LYZL4: variants seen among roughly 807,000 people sequenced by gnomAD.
LYZL4 encodes the protein lysozyme-like protein 4.
In LYZL4, 13 loss-of-function variants were observed where a neutral mutation model predicts 17.6. The observed-to-expected ratio is 0.74, with a 90% CI of 0.48 to 1.18. The LOEUF (loss-of-function observed/expected upper bound fraction) is 1.18. Ranked by LOEUF, LYZL4 falls within the 50% of genes most tolerant of loss-of-function variation. The pLI, the probability that LYZL4 is intolerant of heterozygous loss-of-function variation, is 0.00. For synonymous variants in LYZL4, 64 were observed against 67.7 expected, an observed-to-expected ratio of 0.95 and a Z score of 0.27; for missense variants, 174 against 188.2, an observed-to-expected ratio of 0.92 and a Z score of 0.44.
At chr3:42,367,603 TG>T in the LYZL4 span, among the ~76,000 whole-genome samples, 2 of 151,764 alleles carry the variant, frequency 1.3e-5, no homozygotes, top group Non-Finnish European at 2.9e-5. Flanking sequence ...TGGCAAAGGC[TG>T]GGATGCCTGT....
chr3:42,407,353 T>G lies in LYZL4; in HGVS notation c.-92-10A>C. On this transcript the variant is annotated splice_polypyrimidine_tract_variant and intron_variant, in intron 1 of 4. Transcript: ENST00000287748. ...AAGGGAAAGAAGGGCACTGTGGGGG[T>G]GGGGGTGGAGCACAGTTCAGTGTCA... The G allele has an allele frequency of 6.8e-7, 1 of 1,476,380 alleles. No homozygotes were observed. 91.5% of individuals were successfully genotyped at this position (1,476,380 alleles called of 1,614,324 possible).
At position 42,406,824 on chromosome 3, in the gene LYZL4, C is replaced by G. The variant is rs142019338; in HGVS notation, c.292+22G>C. 2.9e-5 allele frequency: 46 copies of G among 1,612,730 alleles called. No individual in the cohort carries two copies. In the Admixed American group the frequency reaches 7.3e-4, roughly 26 times the overall value. On this transcript the variant is annotated intron_variant, in intron 3 of 4. Coordinates refer to ENST00000287748, the MANE Select transcript of LYZL4 (RefSeq NM_144634.4). ...CACCATAGCCTCCAGTGCCCCCGCA[C>G]GGAATGGAAAGAGGGACTTACCGGA...
the LYZL4 span, among the ~76,000 whole-genome samples, chr3:42,366,749 C>G: frequency 1.3e-5 from 2 of 152,208 alleles, no homozygotes; most frequent in Non-Finnish European, 2.9e-5. Flanking sequence ...GACGAACATG[C>G]CGAGTACCTA....
At chr3:42,394,510 G>A (rs1321199993), downstream of LYZL4, among the ~76,000 whole-genome samples, 2 of 152,140 alleles carry the variant, frequency 1.3e-5, no homozygotes, top group Admixed American at 1.3e-4. Context: ...TGCAAGGCTT[G>A]GAAATATCGT....
the LYZL4 span, among the ~76,000 whole-genome samples, chr3:42,381,933 T>G: frequency 6.6e-6 from 1 of 152,232 alleles, no homozygotes; most frequent in Non-Finnish European, 1.5e-5. Context: ...GCACATGAGC[T>G]AAAAACTGTA....
chr3:42,377,456 C>A, the LYZL4 span, among the ~76,000 whole-genome samples: 6 of 152,090 alleles, frequency 3.9e-5, no homozygotes, highest in Admixed American at 1.3e-4. Context: ...CTCTTCCTTA[C>A]ATGTAGGGAT....
At chr3:42,370,867 G>A in the LYZL4 span, among the ~76,000 whole-genome samples, 1 of 152,166 alleles carries the variant, frequency 6.6e-6, no homozygotes, top group African/African-American at 2.4e-5. Context: ...AATTGACTAT[G>A]CCTCCATCTG....
At chr3:42,362,629 C>A in the LYZL4 span, among the ~76,000 whole-genome samples, 4 of 152,108 alleles carry the variant, frequency 2.6e-5, no homozygotes, top group African/African-American at 9.7e-5. Flanking sequence ...TTTATAAGGG[C>A]ACTAATCCCA....
In LYZL4 at chr3:42,410,411, G is replaced by C. The variant is rs183033985; in HGVS notation, c.-93+6C>G. ...TTACCCTCCTGCCCACCATATACCCGCCTACCAGTCCACCAGCCCTTCCAA... is the reference window on the plus strand; with the variant it reads ...TTACCCTCCTGCCCACCATATACCCCCCTACCAGTCCACCAGCCCTTCCAA... On this transcript the variant is annotated splice_donor_region_variant and intron_variant, in intron 1 of 4. Transcript: ENST00000287748. 24 of 152,246 alleles carry C rather than the reference G, an allele frequency of 1.6e-4. No homozygotes were observed. The highest frequency in any genetic ancestry group is 4.3e-4 in the African/African-American group (18 of 41,548). 9.4% of individuals were successfully genotyped at this position (152,246 alleles called of 1,614,324 possible). A position where few individuals can be genotyped will look rare whatever the true frequency, so the allele number is the denominator to read the frequency against.
chr3:42,379,641 C>A, the LYZL4 span, among the ~76,000 whole-genome samples: 3 of 152,194 alleles, frequency 2.0e-5, no homozygotes, highest in Non-Finnish European at 4.4e-5. Flanking sequence ...TCTCTCCTCT[C>A]CAGAACTCTG....
chr3:42,404,096 T>G lies in LYZL4; in HGVS notation c.321A>C (p.Thr107=), dbSNP rs762626300. 1.2e-6 allele frequency: 2 copies of G among 1,612,784 alleles called. No individual in the cohort carries two copies. The highest frequency in any genetic ancestry group is 2.2e-5 in the South Asian group (2 of 91,012). ...TTACAATGGTCTTGGCACATTTAAT[T>G]GTCTTCTCTAAATTAGGATTCAGTA... ...SALLNPNLEK[T]IKCAKTIVKG... The change falls in exon 4 of 5, where the codon ACA becomes ACC. Residue 107 remains threonine (T), a synonymous_variant. Coordinates refer to ENST00000287748, the MANE Select transcript of LYZL4 (RefSeq NM_144634.4).
the LYZL4 span, among the ~76,000 whole-genome samples, chr3:42,382,476 T>C: frequency 6.6e-6 from 1 of 152,082 alleles, no homozygotes; most frequent in Non-Finnish European, 1.5e-5. Flanking sequence ...ATATTATTGC[T>C]ATTATTGAGG....
chr3:42,364,179 T>C, the LYZL4 span, among the ~76,000 whole-genome samples: 2 of 152,122 alleles, frequency 1.3e-5, no homozygotes, highest in African/African-American at 4.8e-5. Context: ...GGCTTTCTGC[T>C]CCACCCCTGT....
At chr3:42,385,166 A>G in the LYZL4 span, among the ~76,000 whole-genome samples, 1 of 149,800 alleles carries the variant, frequency 6.7e-6, no homozygotes, top group Non-Finnish European at 1.5e-5. Context: ...GGATTTGTAA[A>G]GTCTTTTGCC....
chr3:42,396,065 A>T (rs112340006), downstream of LYZL4, among the ~76,000 whole-genome samples: 1 of 152,214 alleles, frequency 6.6e-6, no homozygotes, highest in Non-Finnish European at 1.5e-5. Flanking sequence ...TCTGTCTCAA[A>T]AAAAAGAAAA....
chr3:42,375,913 AC>A, the LYZL4 span, among the ~76,000 whole-genome samples: 2 of 152,190 alleles, frequency 1.3e-5, no homozygotes, highest in Non-Finnish European at 2.9e-5. Context: ...TACTTTCCTT[AC>A]AGGATTGTGG....
chr3:42,362,807 A>T, the LYZL4 span, among the ~76,000 whole-genome samples: 39,639 of 152,172 alleles, frequency 0.26, 5,754 homozygotes, highest in Non-Finnish European at 0.33. Context: ...ACACTGCCAA[A>T]GTATCACCCC....
intron 2 of LYZL4, 54 bp from the exon 3 acceptor site, chr3:42,407,052 T>C (rs2125603354): frequency 1.2e-6 from 2 of 1,613,828 alleles, no homozygotes; most frequent in Non-Finnish European, 1.7e-6. Context: ...TTGGGGATGC[T>C]TGGCCAGAGA....
At chr3:42,393,197 C>T (rs1012174999), downstream of LYZL4, among the ~76,000 whole-genome samples, 1 of 152,142 alleles carries the variant, frequency 6.6e-6, no homozygotes, top group Non-Finnish European at 1.5e-5. Context: ...GTTTGAAATA[C>T]AAAGCAAAAC....
Sources: allele counts gnomAD v4.1 joint callset (sites outside exome capture counted in the v4.1 genomes callset), GRCh38; gene constraint gnomAD v4.1.1; transcripts MANE v1.5; gene names NCBI Gene and HGNC (gene_info 2026-07-23, HGNC 2026-07-21).